The following TPRG1 variants were observed in gnomAD, a reference collection of about 807,000 sequenced individuals.
TPRG1 encodes tumor protein p63-regulated gene 1 protein.
In TPRG1, 29 loss-of-function variants were observed where a neutral mutation model predicts 29.3. The ratio of observed to expected loss-of-function variants is 0.99; its 90% CI spans 0.74 to 1.35. The LOEUF (loss-of-function observed/expected upper bound fraction) is 1.35, where lower values mean the gene tolerates loss of function less well. Ranked by LOEUF, TPRG1 falls within the 40% of genes most tolerant of loss-of-function variation. TPRG1 has a pLI of 0.00. For missense variants in TPRG1, 327 were observed against 335.0 expected, an observed-to-expected ratio of 0.98 and a Z score of 0.19; for synonymous variants, 130 against 116.8, an observed-to-expected ratio of 1.11 and a Z score of -0.73.
At chr3:189,239,984 A>C (rs1156552780) in intron 4 of TPRG1, among the ~76,000 whole-genome samples, 1 of 152,182 alleles carries the variant, frequency 6.6e-6, no homozygotes, top group Non-Finnish European at 1.5e-5. Context: ...AGGTCTTCCC[A>C]TTGAACCGTG....
At chr3:189,234,474 C>G (rs547075956) in intron 3 of TPRG1, among the ~76,000 whole-genome samples, 5 of 152,066 alleles carry the variant, frequency 3.3e-5, no homozygotes, top group Non-Finnish European at 7.4e-5. Context: ...GGAAGGATAC[C>G]GCAGGTAACA....
intron 4 of TPRG1, among the ~76,000 whole-genome samples, chr3:189,093,006 T>TCA (rs111897930): frequency 0.059 from 8,959 of 152,016 alleles, 854 homozygotes; most frequent in African/African-American, 0.2. Flanking sequence ...TTCTCCTTCT[T>TCA]CTTCTGTGAT....
At chr3:189,233,166 A>ATGTGTGTGTGTGTG (rs59388844) in intron 3 of TPRG1, among the ~76,000 whole-genome samples, 2 of 148,768 alleles carry the variant, frequency 1.3e-5, no homozygotes, top group Non-Finnish European at 3.0e-5. Context: ...CTGAGTGTGT[A>ATGTGTGTGTGTGTG]TGTGTGTGTG....
intron 4 of TPRG1, among the ~76,000 whole-genome samples, chr3:189,272,619 T>C (rs996758650): frequency 6.6e-6 from 1 of 150,788 alleles, no homozygotes; most frequent in East Asian, 1.9e-4. Flanking sequence ...CTTCTCTTCT[T>C]TCTTTCTTTA....
upstream of TPRG1, among the ~76,000 whole-genome samples, chr3:189,169,506 G>C (rs1481426356): frequency 6.6e-6 from 1 of 152,180 alleles, no homozygotes; most frequent in Non-Finnish European, 1.5e-5. Flanking sequence ...ACAGGACACA[G>C]AGAGAAATGA....
chr3:189,165,777 T>C (rs1728094618), intron 5 of TPRG1, among the ~76,000 whole-genome samples: 1 of 152,080 alleles, frequency 6.6e-6, no homozygotes, highest in Non-Finnish European at 1.5e-5. Flanking sequence ...ACCCCAAAGA[T>C]GCAGAAAGGG....
At chr3:189,148,590 G>C (rs1333796365) in intron 4 of TPRG1, among the ~76,000 whole-genome samples, 15 of 152,168 alleles carry the variant, frequency 9.9e-5, no homozygotes, top group Non-Finnish European at 2.2e-4. Flanking sequence ...GGTAAGTAAG[G>C]AGCATGGCAA....
At chr3:189,175,934 A>G (rs1215382248) in intron 1 of TPRG1, among the ~76,000 whole-genome samples, 2 of 152,158 alleles carry the variant, frequency 1.3e-5, no homozygotes, top group Non-Finnish European at 2.9e-5. Context: ...TGGTCTGGGA[A>G]GCAGTCACTC....
chr3:189,268,252 G>A (rs1270549207), intron 4 of TPRG1, among the ~76,000 whole-genome samples: 3 of 152,074 alleles, frequency 2.0e-5, no homozygotes, highest in Non-Finnish European at 4.4e-5. Flanking sequence ...TTGATTTTTG[G>A]GTGCGGTGCT....
intron 4 of TPRG1, among the ~76,000 whole-genome samples, chr3:189,302,032 A>T (rs1029772910): frequency 2.6e-5 from 4 of 152,180 alleles, no homozygotes; most frequent in African/African-American, 9.6e-5. Context: ...CCACAAATAT[A>T]CAAATTATGG....
chr3:189,161,906 G>A (rs1727540436), intron 5 of TPRG1, among the ~76,000 whole-genome samples: 1 of 152,218 alleles, frequency 6.6e-6, no homozygotes, highest in Non-Finnish European at 1.5e-5. Context: ...GCTTCATGGA[G>A]GAGGTAACTT....
At chr3:189,084,715 C>G (rs1284545806) in intron 4 of TPRG1, among the ~76,000 whole-genome samples, 34 of 152,178 alleles carry the variant, frequency 2.2e-4, no homozygotes, top group Admixed American at 2.2e-3. Context: ...TGTTATGTGG[C>G]CTAAATGGAT....
At chr3:189,303,766 C>T (rs552044353) in intron 4 of TPRG1, among the ~76,000 whole-genome samples, 1 of 152,192 alleles carries the variant, frequency 6.6e-6, no homozygotes, top group Non-Finnish European at 1.5e-5. Flanking sequence ...TATATTCCAA[C>T]ATTGTGAGTC....
chr3:189,101,635 A>G (rs1719216834), intron 1 of TPRG1, among the ~76,000 whole-genome samples: 1 of 152,110 alleles, frequency 6.6e-6, no homozygotes, highest in South Asian at 2.1e-4. Context: ...CAGAAACTTC[A>G]GGATCTCATT....
At chr3:189,071,815 C>T (rs73048780) in intron 4 of TPRG1, among the ~76,000 whole-genome samples, 4,146 of 152,242 alleles carry the variant, frequency 0.027, 181 homozygotes, top group African/African-American at 0.092. Context: ...TTCTAAGGTT[C>T]GAAATCTGCT....
intron 4 of TPRG1, among the ~76,000 whole-genome samples, chr3:189,073,941 C>T (rs1395165651): frequency 6.6e-6 from 1 of 151,954 alleles, no homozygotes; most frequent in Non-Finnish European, 1.5e-5. Flanking sequence ...GTATTCTTAC[C>T]CTCACTTTTG....
chr3:189,124,128 T>G (rs1206015467), intron 1 of TPRG1, among the ~76,000 whole-genome samples: 1 of 152,154 alleles, frequency 6.6e-6, no homozygotes, highest in East Asian at 1.9e-4. Flanking sequence ...AATTCACGTG[T>G]TCATTCAGAG....
chr3:189,160,229 C>T (rs563224657), intron 5 of TPRG1, among the ~76,000 whole-genome samples: 2 of 152,202 alleles, frequency 1.3e-5, no homozygotes, highest in Non-Finnish European at 2.9e-5. Context: ...AGTCAATTGG[C>T]AGGTTGACTA....
At chr3:189,241,443 G>A (rs893246045) in intron 4 of TPRG1, among the ~76,000 whole-genome samples, 1 of 151,692 alleles carries the variant, frequency 6.6e-6, no homozygotes, top group Non-Finnish European at 1.5e-5. Context: ...TTTCCTGTTG[G>A]GATGTTTAAT....
Sources: gnomAD v4.1 joint callset for allele counts (sites outside exome capture counted in the v4.1 genomes callset) on GRCh38, gnomAD v4.1.1 for gene constraint, MANE v1.5 for transcripts, NCBI Gene and HGNC (gene_info 2026-07-23, HGNC 2026-07-21) for gene names.